Variants in CCDC57 observed in about 807,000 individuals in gnomAD.
The protein encoded by CCDC57 is coiled-coil domain-containing protein 57.
CCDC57 carries 118 observed loss-of-function variants against 118.9 expected under a neutral mutation model. That is an observed-to-expected ratio of 0.99 (90% CI 0.86 to 1.16). CCDC57 has a LOEUF of 1.16. CCDC57 is among the 50% of genes most tolerant of loss of function. CCDC57 has a pLI of 0.00. For missense variants in CCDC57, 1,300 were observed against 1,320.7 expected (o/e 0.98, Z 0.24); for synonymous variants, 527 against 532.9 (o/e 0.99, Z 0.15).
At position 82,158,735 on chromosome 17, in the gene CCDC57, T is replaced by C. The variant is rs192964900; in HGVS notation, c.2041-787A>G. On this transcript the variant is annotated intron_variant, in intron 14 of 19. Coordinates refer to ENST00000665763, the Ensembl canonical transcript of CCDC57. ...GTATTAATTTTTATTTATTTACTTA[T>C]TTTATTCAGACGGCATCTTAGTTGG... is the stretch of plus-strand genomic sequence containing the variant. 3.5e-3 allele frequency among the ~76,000 whole-genome samples: 531 copies of C among 152,206 alleles called. 1 individual carries two copies. Among genetic ancestry groups the C allele is most frequent in the African/African-American group, 0.011 (476 of 41,522 alleles).
chr17:82,158,716 A>T (rs937144850), intron 14 of CCDC57, among the ~76,000 whole-genome samples: 3 of 150,848 alleles, frequency 2.0e-5, no homozygotes, highest in African/African-American at 7.3e-5. Flanking sequence ...GCTTGTATTA[A>T]TTTTTATTTA....
intron 16 of CCDC57, 92 bp downstream of exon 15, chr17:82,151,468 C>A: frequency 1.7e-6 from 2 of 1,190,492 alleles, no homozygotes; most frequent in Non-Finnish European, 2.3e-6. Context: ...CAGAATCTGA[C>A]CCACATCCAG....
chr17:82,172,261 A>G lies in CCDC57; in HGVS notation c.1729+377T>C. On this transcript the variant is annotated intron_variant, in intron 12 of 19. Transcript: ENST00000665763. The surrounding 1 kb of genome is among the most constrained non-coding windows in gnomAD (Gnocchi z 5.2). ...GGTCCCTGGGGGTCGGGAGGCCCTCATCAGCTCTGCCACAGACGCTCCTCT... is the reference window on the plus strand; with the variant it reads ...GGTCCCTGGGGGTCGGGAGGCCCTCGTCAGCTCTGCCACAGACGCTCCTCT... Among the ~76,000 whole-genome samples, 1 of 152,164 alleles carries G rather than the reference A, an allele frequency of 6.6e-6. No homozygotes were observed. The highest frequency in any genetic ancestry group is 2.4e-5 in the African/African-American group (1 of 41,440).
intron 16 of CCDC57, among the ~76,000 whole-genome samples, chr17:82,145,071 G>A (rs1330040354): frequency 1.4e-5 from 2 of 144,482 alleles, no homozygotes; most frequent in African/African-American, 5.1e-5. Flanking sequence ...CACCCAGGCT[G>A]GAGTGCAGTG....
At chr17:82,130,499 CTTT>C (rs35413191) in intron 17 of CCDC57, among the ~76,000 whole-genome samples, 2 of 88,926 alleles carry the variant, frequency 2.2e-5, no homozygotes, top group Non-Finnish European at 4.2e-5. Context: ...CCAGACAAAA[CTTT>C]TTTTTTTTTT....
In CCDC57 at chr17:82,134,116, C is replaced by T. The variant is rs141263358; in HGVS notation, c.2534G>A (p.Arg845His). ...CTGCACCTGTCCCAAAGGTGGGCTGCGATCCAAAGGCCTCCTGGGCTCCTC... is the reference window on the plus strand; with the variant it reads ...CTGCACCTGTCCCAAAGGTGGGCTGTGATCCAAAGGCCTCCTGGGCTCCTC... The change falls in exon 17 of 20, where the codon CGC becomes CAC. Residue 845 changes from arginine (R) to histidine (H), a missense_variant. By Grantham distance (29) the Arg-to-His change is conservative. Transcript: ENST00000665763. The T allele has an allele frequency of 4.4e-5, 63 of 1,417,360 alleles. No individual in the cohort carries two copies. In the East Asian group the frequency reaches 1.5e-3, roughly 33 times the overall value. 87.8% of individuals were successfully genotyped at this position (1,417,360 alleles called of 1,614,324 possible).
intron 19 of CCDC57, among the ~76,000 whole-genome samples, chr17:82,122,476 G>GTCCCC (rs149486957): frequency 1.1e-4 from 5 of 45,308 alleles, no homozygotes; most frequent in South Asian, 1.0e-3. Flanking sequence ...CTAGGACTCG[G>GTCCCC]AGGGCAGGTG....
intron 13 of CCDC57, among the ~76,000 whole-genome samples, chr17:82,169,827 T>A (rs922096104): frequency 2.6e-5 from 4 of 152,204 alleles, no homozygotes; most frequent in African/African-American, 7.2e-5. Context: ...CTAACCACAA[T>A]GGAATAGATT....
At chr17:82,185,568 G>A (rs1324865162) in intron 8 of CCDC57, among the ~76,000 whole-genome samples, 1 of 151,804 alleles carries the variant, frequency 6.6e-6, no homozygotes, top group South Asian at 2.1e-4. Flanking sequence ...GCAGTGAACC[G>A]AGATCACGCC....
intron 8 of CCDC57, 27 bp downstream of exon 7, chr17:82,188,192 T>G (rs965390363): frequency 6.6e-7 from 1 of 1,523,170 alleles, no homozygotes; most frequent in Non-Finnish European, 8.8e-7. Flanking sequence ...GCCCTCACCC[T>G]CTGGGTGGAG....
chr17:82,176,847 G>T (rs979006233), intron 11 of CCDC57, among the ~76,000 whole-genome samples: 2 of 146,672 alleles, frequency 1.4e-5, no homozygotes, highest in Non-Finnish European at 1.5e-5. Flanking sequence ...GAAGATGAGG[G>T]TTTTTTTTTT....
At chr17:82,127,969 TC>T (rs1184150579) in intron 18 of CCDC57, 61 bp from the exon 18 acceptor site, 5 of 1,584,664 alleles carry the variant, frequency 3.2e-6, no homozygotes, top group Non-Finnish European at 1.7e-6. Context: ...GCCACAGGAC[TC>T]CCCCCAACCA....
Position 82,212,295 on chromosome 17 carries a change from G to A in CCDC57, c.-211+490C>T, listed in dbSNP as rs147561421. On this transcript the variant is annotated intron_variant, in intron 1 of 19. Transcript: ENST00000665763. This position sits in a 1 kb window ranked among gnomAD's most constrained non-coding sequence, Gnocchi z 4.1. Reference sequence around the variant, plus strand: ...GAGGGGGTTTCACCATGTTGGCCAGGCTGGTCTCGAACTCCGGGCCTCAAG... The same window carrying A: ...GAGGGGGTTTCACCATGTTGGCCAGACTGGTCTCGAACTCCGGGCCTCAAG... 7.0e-3 allele frequency among the ~76,000 whole-genome samples: 1,070 copies of A among 152,020 alleles called. 10 individuals are homozygous for A. Among genetic ancestry groups the A allele is most frequent in the African/African-American group, 0.025 (1,044 of 41,452 alleles).
At chr17:82,146,106 G>A (rs1043489858) in intron 16 of CCDC57, among the ~76,000 whole-genome samples, 5 of 152,228 alleles carry the variant, frequency 3.3e-5, no homozygotes, top group African/African-American at 1.2e-4. Context: ...CTGGGCCACC[G>A]GTGCTGGGGC....
chr17:82,130,041 A>C (rs2038095387), intron 17 of CCDC57, among the ~76,000 whole-genome samples: 1 of 152,058 alleles, frequency 6.6e-6, no homozygotes, highest in African/African-American at 2.4e-5. Flanking sequence ...TGTACAAAAA[A>C]AAATTAAAAA....
At chr17:82,174,689 A>C (rs1291352528) in intron 11 of CCDC57, among the ~76,000 whole-genome samples, 1 of 152,216 alleles carries the variant, frequency 6.6e-6, no homozygotes, top group East Asian at 1.9e-4. Context: ...CATAGCATCT[A>C]TGTCTAACTA....
intron 11 of CCDC57, among the ~76,000 whole-genome samples, chr17:82,173,343 C>T (rs1418079100): frequency 6.6e-6 from 1 of 152,110 alleles, no homozygotes; most frequent in African/African-American, 2.4e-5. Flanking sequence ...GGATGAAGAG[C>T]AGGTTCAGAG....
intron 4 of CCDC57, among the ~76,000 whole-genome samples, chr17:82,196,699 C>T (rs564964195): frequency 6.6e-6 from 1 of 152,282 alleles, no homozygotes; most frequent in African/African-American, 2.4e-5. Flanking sequence ...GTAACACTTA[C>T]ACCTACCTGC....
At position 82,204,161 on chromosome 17, in the gene CCDC57, C is replaced by T. The variant is rs529011037; in HGVS notation, c.-8-2209G>A. Among the ~76,000 whole-genome samples the T allele has an allele frequency of 3.3e-5, 5 of 152,230 alleles. No homozygotes were observed. The East Asian group carries it at 5.8e-4, about 18-fold the overall frequency. ...TCTCCTCCATCCCACATGCTTCCTG[C>T]GATGCAACCCCCGCGCCCAGCACCC... On this transcript the variant is annotated intron_variant, in intron 2 of 19. Transcript: ENST00000665763.
Sources: gnomAD v4.1 joint callset for allele counts (sites outside exome capture counted in the v4.1 genomes callset) on GRCh38, gnomAD v4.1.1 for gene constraint, Gnocchi (gnomAD v3.1) non-coding constraint, MANE v1.5 for transcripts, NCBI Gene and HGNC (gene_info 2026-07-23, HGNC 2026-07-21) for gene names.